SPON2: variants seen among roughly 807,000 people sequenced by gnomAD.
The protein encoded by SPON2 is spondin 2.
SPON2 carries 32 observed loss-of-function variants against 29.9 expected under a neutral mutation model. The observed-to-expected ratio is 1.07, with a 90% CI of 0.81 to 1.44. The LOEUF is 1.44. Ranked by LOEUF, SPON2 falls within the 40% of genes most tolerant of loss-of-function variation. The pLI is 0.00. For synonymous variants in SPON2, 248 were observed against 209.1 expected (o/e 1.19, Z -1.61); for missense variants, 541 against 455.5 (o/e 1.19, Z -1.71).
At chr4:1,189,772 A>G (rs1455829621) in intron 1 of SPON2, among the ~76,000 whole-genome samples, 1 of 151,868 alleles carries the variant, frequency 6.6e-6, no homozygotes, top group Non-Finnish European at 1.5e-5. Context: ...GCGGATCACA[A>G]GGTCGGGAGA....
chr4:1,197,366 G>A (rs1274142630), upstream of SPON2, among the ~76,000 whole-genome samples: 1 of 152,158 alleles, frequency 6.6e-6, no homozygotes, highest in African/African-American at 2.4e-5. Flanking sequence ...ATAACGGAAA[G>A]TGCCACCTCT....
chr4:1,198,828 GAA>G (rs1728130706), upstream of SPON2, among the ~76,000 whole-genome samples: 1 of 152,154 alleles, frequency 6.6e-6, no homozygotes, highest in Admixed American at 6.5e-5. Context: ...CAATCTTTAT[GAA>G]TAAAAGCACT....
chr4:1,167,030 G>A lies in SPON2; in HGVS notation c.*442C>T, dbSNP rs771695345. 12 of 161,320 alleles carry A rather than the reference G, an allele frequency of 7.4e-5. No homozygotes were observed. The highest frequency in any genetic ancestry group is 5.9e-4 in the South Asian group (3 of 5,120). The allele number at this position is 161,320 out of a possible 1,614,324, so 10.0% of individuals were successfully genotyped here. ...ACCGCCCCATTTATTCACTTCTCAA[G>A]TGGCCCCCGCTTGGATGCGCCCTCG... On this transcript the variant is annotated 3_prime_UTR_variant, in exon 6 of 6. Transcript: ENST00000290902.
In SPON2 at chr4:1,171,981, C is replaced by G; in HGVS notation, c.91G>C (p.Gly31Arg). The G allele has an allele frequency of 6.2e-7, 1 of 1,612,956 alleles. No homozygotes were observed. Among genetic ancestry groups the G allele is most frequent in the East Asian group, 2.2e-5 (1 of 44,872 alleles). ...GCTCTGGCGGAACAGATGGACTCTCCCCCAAGAGGCTGGCCGGCGGCGCCG... is the reference window on the plus strand; with the variant it reads ...GCTCTGGCGGAACAGATGGACTCTCGCCCAAGAGGCTGGCCGGCGGCGCCG... ...TLGAAGQPLG[G>R]ESICSARALA... The change falls in exon 2 of 6, where the codon GGA (glycine) becomes CGA (arginine). Residue 31 changes from glycine (G) to arginine (R), a missense_variant. Physicochemically the swap from Gly to Arg is moderately radical, Grantham distance 125. Transcript: ENST00000290902.
At chr4:1,196,529 C>G (rs1237225375), upstream of SPON2, among the ~76,000 whole-genome samples, 2 of 152,184 alleles carry the variant, frequency 1.3e-5, no homozygotes, top group Non-Finnish European at 2.9e-5. Flanking sequence ...ACTCCCGAGA[C>G]TCAGAGCAGA....
intron 1 of SPON2, among the ~76,000 whole-genome samples, chr4:1,193,945 AAC>A (rs1163502141): frequency 1.7e-4 from 25 of 148,988 alleles, no homozygotes; most frequent in Admixed American, 1.5e-3. Context: ...CTGTGGGAAT[AAC>A]ACGGGGGTGG....
chr4:1,192,078 C>T lies in SPON2; in HGVS notation c.-239+2912G>A, dbSNP rs531325543. 6.3e-4 allele frequency among the ~76,000 whole-genome samples: 96 copies of T among 152,374 alleles called. 3 individuals are homozygous for T. The South Asian group carries it at 0.019, about 31-fold the overall frequency. On this transcript the variant is annotated intron_variant, in intron 1 of 3. Transcript: ENST00000502483. Reference sequence around the variant, plus strand: ...GGGGCCAGAGGAAGCCCCATGCTAGCGTCAGGGGACAAGGATTCCAGCTCA... The same window carrying T: ...GGGGCCAGAGGAAGCCCCATGCTAGTGTCAGGGGACAAGGATTCCAGCTCA...
chr4:1,200,105 C>T (rs1188573726), upstream of SPON2: 1 of 152,292 alleles, frequency 6.6e-6, no homozygotes. Flanking sequence ...TGCTAGTTAC[C>T]AGACGGGCAG....
upstream of SPON2, among the ~76,000 whole-genome samples, chr4:1,197,605 C>A: frequency 6.9e-6 from 1 of 144,196 alleles, no homozygotes; most frequent in African/African-American, 2.6e-5. Flanking sequence ...AGAATGAGAA[C>A]AATAAAGTGC....
At chr4:1,169,307 C>T (rs535613496) in intron 5 of SPON2, among the ~76,000 whole-genome samples, 11 of 152,136 alleles carry the variant, frequency 7.2e-5, no homozygotes, top group African/African-American at 1.9e-4. Context: ...GTAAGTGGCT[C>T]GGGGACATCT....
intron 2 of SPON2, 81 bp downstream of exon 2, chr4:1,171,771 C>G (rs1377679707): frequency 4.0e-6 from 4 of 999,024 alleles, no homozygotes; most frequent in Non-Finnish European, 6.3e-6. Context: ...GACTGGGAAG[C>G]GCCGCCGTGC....
intron 1 of SPON2, among the ~76,000 whole-genome samples, chr4:1,185,275 C>T (rs1727769393): frequency 6.6e-6 from 1 of 151,598 alleles, no homozygotes; most frequent in South Asian, 2.1e-4. Flanking sequence ...TGGGTTTTGC[C>T]ACATTGGCCA....
intron 1 of SPON2, among the ~76,000 whole-genome samples, chr4:1,192,013 C>T (rs1478804989): frequency 2.0e-5 from 3 of 152,368 alleles, no homozygotes; most frequent in East Asian, 1.9e-4. Context: ...GACTCAGCCC[C>T]ATGAGGATGT....
chr4:1,167,452 G>C lies in SPON2; in HGVS notation c.*20C>G. The C allele has an allele frequency of 6.2e-7, 1 of 1,605,032 alleles. No individual in the cohort carries two copies. Among genetic ancestry groups the C allele is most frequent in the Non-Finnish European group, 8.5e-7 (1 of 1,174,820 alleles). ...CACCCCATGGCTCCGGGGGGCCCCA[G>C]GGGCTGCGGGGCTCTGGTCTTAGAC... is the stretch of plus-strand genomic sequence containing the variant. On this transcript the variant is annotated 3_prime_UTR_variant, in exon 6 of 6. Coordinates refer to ENST00000290902, the MANE Select transcript of SPON2 (RefSeq NM_012445.4).
chr4:1,174,486 C>CAAAAAAAA (rs59532169), upstream of SPON2, among the ~76,000 whole-genome samples: 51 of 94,232 alleles, frequency 5.4e-4, no homozygotes, highest in African/African-American at 7.5e-4. Context: ...GACTCCATCT[C>CAAAAAAAA]AAAAAAAAAA....
chr4:1,171,067 C>T lies in SPON2; in HGVS notation c.568G>A (p.Gly190Arg). 2 of 1,549,858 alleles carry T rather than the reference C, an allele frequency of 1.3e-6. No homozygotes were observed. The highest frequency in any genetic ancestry group is 1.2e-5 in the South Asian group (1 of 83,932). ...GAGAAGGTGAAGCCGCTGTCCGTCC[C>T]GGCGTCGTAGGGGTACAGGTCCAGC... Reference protein sequence around the residue: ...AALDLYPYDAGTDSGFTFSSP... With the variant: ...AALDLYPYDARTDSGFTFSSP... The change falls in exon 4 of 6, where the codon GGG (glycine) becomes AGG (arginine). Residue 190 changes from glycine (G) to arginine (R), a missense_variant. Transcript: ENST00000290902.
In SPON2 at chr4:1,171,154, A is replaced by G; in HGVS notation, c.481T>C (p.Trp161Arg). 1 of 1,552,704 alleles carries G rather than the reference A, an allele frequency of 6.4e-7. No homozygotes were observed. The highest frequency in any genetic ancestry group is 8.7e-7 in the Non-Finnish European group (1 of 1,149,202). ...TCCAGGCTGTCCACGCCCACGAACC[A>G]GTCGGGGCTGGGCACGATGCGCACC... ...FVVRIVPSPD[W>R]FVGVDSLDLC... Residue 161 changes from tryptophan to arginine, a missense_variant, in exon 4 of 6, where the codon TGG (tryptophan) becomes CGG (arginine). Trp to Arg is a moderately radical substitution (Grantham distance 101). Transcript: ENST00000290902.
At chr4:1,200,938 C>A (rs1331291368) in intron 1 of SPON2, 1 of 456,652 alleles carries the variant, frequency 2.2e-6, no homozygotes, top group African/African-American at 2.0e-5. Context: ...CCCCCGTGCC[C>A]TCCTGGCTCT....
Position 1,170,981 on chromosome 4 carries a change from C to G in SPON2, c.636+18G>C, listed in dbSNP as rs764469346. The G allele has an allele frequency of 5.2e-6, 8 of 1,546,226 alleles. No individual in the cohort carries two copies. Among genetic ancestry groups the G allele is most frequent in the Non-Finnish European group, 7.0e-6 (8 of 1,144,242 alleles). ...CGGGGGCCATAGCGGCCCTTGCGCACGCGGGGTGCCCACTCACCTCGGTCA... is the reference window on the plus strand; with the variant it reads ...CGGGGGCCATAGCGGCCCTTGCGCAGGCGGGGTGCCCACTCACCTCGGTCA... On this transcript the variant is annotated intron_variant, in intron 4 of 5. Coordinates refer to ENST00000290902, the MANE Select transcript of SPON2 (RefSeq NM_012445.4).
Sources: allele counts gnomAD v4.1 joint callset (sites outside exome capture counted in the v4.1 genomes callset), GRCh38; gene constraint gnomAD v4.1.1; transcripts MANE v1.5; gene names NCBI Gene and HGNC (gene_info 2026-07-23, HGNC 2026-07-21).